The following NPAS2 variants were observed in gnomAD, a reference collection of about 807,000 sequenced individuals.
NPAS2 encodes the protein neuronal PAS domain-containing protein 2.
A neutral mutation model predicts 107.5 loss-of-function variants in NPAS2; 23 were observed. The observed-to-expected ratio is 0.21, with a 90% CI of 0.15 to 0.30. The LOEUF is 0.30. Among genes scored for constraint, NPAS2 ranks in the 10% least tolerant of loss-of-function variants. The pLI is 1.00. For synonymous variants in NPAS2, 403 were observed against 417.5 expected, an observed-to-expected ratio of 0.97 and a Z score of 0.42; for missense variants, 756 against 1,043.3, an observed-to-expected ratio of 0.72 and a Z score of 3.79.
At chr2:100,894,035 C>T (rs1681251504) in intron 1 of NPAS2, among the ~76,000 whole-genome samples, 2 of 152,222 alleles carry the variant, frequency 1.3e-5, no homozygotes, top group African/African-American at 4.8e-5. Context: ...TGTCTCACTG[C>T]TGACGCACTT....
chr2:100,993,297 T>C, intron 19 of NPAS2, 50 bp from the exon 20 acceptor site: 1 of 1,476,724 alleles, frequency 6.8e-7, no homozygotes, highest in Non-Finnish European at 9.1e-7. Context: ...TGGTGTCGTA[T>C]CAATACTGCT....
rs147790838 is a variant in NPAS2, at chr2:100,919,439, G to A, written c.33-5707G>A. Among the ~76,000 whole-genome samples, 17 of 152,094 alleles carry A rather than the reference G, an allele frequency of 1.1e-4. No individual in the cohort carries two copies. In the East Asian group the frequency reaches 3.3e-3, roughly 30 times the overall value. On this transcript the variant is annotated intron_variant, in intron 2 of 20. Transcript: ENST00000335681. The stretch of plus-strand genomic sequence containing the variant: ...CCACCGTCAGCGTCACTTTTTCGAG[G>A]CTAATGAAGTTTGACTGAGCCTTGC...
At chr2:100,824,443 C>T (rs1034670042) in intron 1 of NPAS2, among the ~76,000 whole-genome samples, 2 of 152,152 alleles carry the variant, frequency 1.3e-5, no homozygotes, top group Admixed American at 6.5e-5. Flanking sequence ...GGCAATCAAG[C>T]GCTCTTTAAA....
At chr2:100,974,971 T>G (rs115907938) in intron 13 of NPAS2, 27 bp downstream of exon 13, 3 of 1,612,036 alleles carry the variant, frequency 1.9e-6, no homozygotes, top group Non-Finnish European at 2.5e-6. Flanking sequence ...GGATGGGGAG[T>G]GGGATGTCCA....
At chr2:100,912,189 G>A (rs1682592943) in intron 2 of NPAS2, among the ~76,000 whole-genome samples, 1 of 151,926 alleles carries the variant, frequency 6.6e-6, no homozygotes, top group Non-Finnish European at 1.5e-5. Context: ...GTCCTGATAT[G>A]CCTTCTAGAA....
chr2:100,840,347 GT>G (rs941552288), intron 1 of NPAS2, among the ~76,000 whole-genome samples: 1 of 152,250 alleles, frequency 6.6e-6, no homozygotes, highest in Non-Finnish European at 1.5e-5. Flanking sequence ...GGGACCACGT[GT>G]TTTTTCTCCT....
At chr2:100,854,994 A>C (rs918665020) in intron 1 of NPAS2, among the ~76,000 whole-genome samples, 12 of 152,222 alleles carry the variant, frequency 7.9e-5, no homozygotes, top group Admixed American at 1.3e-4. Flanking sequence ...ATTATTTTTT[A>C]ATATTGATTA....
Position 100,875,632 on chromosome 2 carries a change from G to A in NPAS2, c.-22-29101G>A, listed in dbSNP as rs185388636. On this transcript the variant is annotated intron_variant, in intron 1 of 20. Transcript: ENST00000335681. ...CAGCTTGTCGAGGCTTGAAAGGCGC[G>A]GGCAGGGCTGCCTCCCCTTAGCTTT... 1.1e-3 allele frequency among the ~76,000 whole-genome samples: 169 copies of A among 152,230 alleles called. 2 individuals carry two copies. Among genetic ancestry groups the A allele is most frequent in the Admixed American group, 0.011 (165 of 15,284 alleles).
At chr2:100,875,500 A>AGCAGGTAGGGAT (rs1558829901) in intron 1 of NPAS2, among the ~76,000 whole-genome samples, 3 of 147,884 alleles carry the variant, frequency 2.0e-5, no homozygotes, top group Admixed American at 6.7e-5. Context: ...ACACACACAC[A>AGCAGGTAGGGAT]CACACAGCAT....
intron 1 of NPAS2, among the ~76,000 whole-genome samples, chr2:100,902,725 C>T (rs1017503980): frequency 6.6e-6 from 1 of 152,170 alleles, no homozygotes; most frequent in African/African-American, 2.4e-5. Flanking sequence ...TGTATTTTAT[C>T]ACAATTTTTT....
At chr2:100,933,469 C>T (rs553579702) in intron 4 of NPAS2, among the ~76,000 whole-genome samples, 2 of 152,316 alleles carry the variant, frequency 1.3e-5, no homozygotes, top group South Asian at 4.1e-4. Flanking sequence ...ACTCATGTTA[C>T]ATCCACATGG....
At chr2:100,901,620 G>T in intron 1 of NPAS2, 1 of 896,636 alleles carries the variant, frequency 1.1e-6, no homozygotes, top group Non-Finnish European at 1.3e-6. Context: ...GAGAATGAGA[G>T]TGTTTATTCC....
At chr2:100,900,871 T>C (rs1290193518) in intron 1 of NPAS2, among the ~76,000 whole-genome samples, 1 of 149,948 alleles carries the variant, frequency 6.7e-6, no homozygotes, top group Non-Finnish European at 1.5e-5. Flanking sequence ...TCCCCTCCCC[T>C]CCCTTCTCCT....
intron 1 of NPAS2, among the ~76,000 whole-genome samples, chr2:100,890,303 C>T (rs1243811408): frequency 6.6e-6 from 1 of 152,200 alleles, no homozygotes; most frequent in Admixed American, 6.5e-5. Context: ...CCTCAGGGCC[C>T]AGCCAAGGCC....
intron 3 of NPAS2, among the ~76,000 whole-genome samples, chr2:100,929,416 G>C (rs1683800515): frequency 6.6e-6 from 1 of 152,186 alleles, no homozygotes; most frequent in South Asian, 2.1e-4. Context: ...CACTCCAGCT[G>C]TTCATGAGTG....
chr2:100,854,271 A>AG (rs977114041), intron 1 of NPAS2, among the ~76,000 whole-genome samples: 9 of 146,842 alleles, frequency 6.1e-5, no homozygotes, highest in African/African-American at 2.0e-4. Flanking sequence ...ATGGAGTGGG[A>AG]GGACATGGCC....
At chr2:100,898,466 C>T (rs1401027053) in intron 1 of NPAS2, among the ~76,000 whole-genome samples, 1 of 152,176 alleles carries the variant, frequency 6.6e-6, no homozygotes, top group Non-Finnish European at 1.5e-5. Flanking sequence ...AAGGCCCACC[C>T]TACATTTATG....
intron 1 of NPAS2, among the ~76,000 whole-genome samples, chr2:100,852,220 C>A (rs1037569920): frequency 3.3e-5 from 5 of 151,922 alleles, no homozygotes; most frequent in Non-Finnish European, 5.9e-5. Flanking sequence ...CACGGTGAAA[C>A]CCCGTCTCTC....
Position 100,984,837 on chromosome 2 carries a change from C to T in NPAS2, c.1629+2460C>T, listed in dbSNP as rs1558940975. ...TACTTCATTGCTTCAAAACTTTCGT[C>T]GAGGCTATATGTGCCTGTGATGCTT... On this transcript the variant is annotated intron_variant, in intron 16 of 20. Transcript: ENST00000335681. 3.3e-5 allele frequency: 5 copies of T among 151,902 alleles called. No homozygotes were observed. In the South Asian group the frequency reaches 8.3e-4, roughly 25 times the overall value. 9.4% of individuals were successfully genotyped at this position (151,902 alleles called of 1,614,324 possible).
Sources: gnomAD v4.1 joint callset for allele counts (sites outside exome capture counted in the v4.1 genomes callset) on GRCh38, gnomAD v4.1.1 for gene constraint, MANE v1.5 for transcripts, NCBI Gene and HGNC (gene_info 2026-07-23, HGNC 2026-07-21) for gene names.